CAMK1D: variants seen among roughly 807,000 people sequenced by gnomAD.
The protein encoded by CAMK1D is calcium/calmodulin-dependent protein kinase type 1D.
A neutral mutation model predicts 47.7 loss-of-function variants in CAMK1D; 9 were observed. The observed-to-expected ratio is 0.19, with a 90% CI of 0.11 to 0.33. The LOEUF is 0.33. Among genes scored for constraint, CAMK1D ranks in the 10% least tolerant of loss-of-function variants. The pLI is 1.00. For missense variants in CAMK1D, 291 were observed against 488.7 expected, an observed-to-expected ratio of 0.60 and a Z score of 3.81; for synonymous variants, 184 against 184.9, an observed-to-expected ratio of 0.99 and a Z score of 0.04.
In CAMK1D at chr10:12,830,791, G is replaced by A. The variant is rs1833402715; in HGVS notation, c.*1904G>A. On this transcript the variant is annotated 3_prime_UTR_variant, in exon 11 of 11. Transcript: ENST00000619168. Reference sequence around the variant, plus strand: ...GTCATCACGACCCAGTAACGCTGCTGGCTGTGTCCTCATGCCCTCTTCCTC... The same window carrying A: ...GTCATCACGACCCAGTAACGCTGCTAGCTGTGTCCTCATGCCCTCTTCCTC... 6.7e-6 allele frequency: 1 copy of A among 149,254 alleles called. No homozygotes were observed. Among genetic ancestry groups the A allele is most frequent in the Non-Finnish European group, 1.5e-5 (1 of 67,260 alleles). 9.2% of individuals were successfully genotyped at this position (149,254 alleles called of 1,614,324 possible).
At chr10:12,730,798 A>G (rs1367912158) in intron 3 of CAMK1D, among the ~76,000 whole-genome samples, 2 of 152,204 alleles carry the variant, frequency 1.3e-5, no homozygotes, top group Non-Finnish European at 2.9e-5. Flanking sequence ...CTCAAGTAGG[A>G]TGAGGACTGA....
chr10:12,519,248 C>A (rs1233980766), intron 1 of CAMK1D, among the ~76,000 whole-genome samples: 1 of 64,264 alleles, frequency 1.6e-5, no homozygotes, highest in East Asian at 4.4e-4. Flanking sequence ...GGGGGCTGAC[C>A]CCCCCACCTC....
intron 3 of CAMK1D, among the ~76,000 whole-genome samples, chr10:12,737,626 C>T (rs748018313): frequency 1.1e-4 from 16 of 152,170 alleles, no homozygotes; most frequent in Non-Finnish European, 2.1e-4. Context: ...ACTGCTCTGC[C>T]ATCCCTTCCC....
intron 2 of CAMK1D, among the ~76,000 whole-genome samples, chr10:12,660,485 G>T (rs902143007): frequency 7.9e-5 from 12 of 152,116 alleles, no homozygotes; most frequent in African/African-American, 2.2e-4. Context: ...TTTTATGCAT[G>T]AATTAATTTT....
chr10:12,370,311 T>A (rs1387475109), intron 1 of CAMK1D, among the ~76,000 whole-genome samples: 1 of 151,394 alleles, frequency 6.6e-6, no homozygotes, highest in African/African-American at 2.4e-5. Context: ...GTGCAGCACC[T>A]AATACTTGAT....
intron 1 of CAMK1D, among the ~76,000 whole-genome samples, chr10:12,504,947 T>C (rs1323085936): frequency 6.6e-6 from 1 of 152,252 alleles, no homozygotes; most frequent in Admixed American, 6.5e-5. Flanking sequence ...GAAGTGGTGC[T>C]GCTTAGAAAC....
At chr10:12,400,861 A>T (rs1363507826) in intron 1 of CAMK1D, among the ~76,000 whole-genome samples, 1 of 150,496 alleles carries the variant, frequency 6.6e-6, no homozygotes, top group Non-Finnish European at 1.5e-5. Flanking sequence ...TCGCACCTGT[A>T]AACCCAGAAC....
At chr10:12,363,265 T>A (rs1837734089) in intron 1 of CAMK1D, among the ~76,000 whole-genome samples, 1 of 151,982 alleles carries the variant, frequency 6.6e-6, no homozygotes, top group Admixed American at 6.6e-5. Context: ...TTGTTTTGTT[T>A]TGTTTTTGAG....
intron 3 of CAMK1D, among the ~76,000 whole-genome samples, chr10:12,750,826 A>G (rs1835910255): frequency 6.6e-6 from 1 of 152,198 alleles, no homozygotes; most frequent in Non-Finnish European, 1.5e-5. Context: ...TGAGGTGGGC[A>G]AATCACCTGA....
chr10:12,485,901 G>T lies in CAMK1D; in HGVS notation c.93-67324G>T, dbSNP rs145697549. On this transcript the variant is annotated intron_variant, in intron 1 of 10. Transcript: ENST00000619168. ...GCTTAACAGAGCCAAATTCAGCCCA[G>T]AGTGAGTCTTTGGTGTCCATCCCAG... Among the ~76,000 whole-genome samples the T allele has an allele frequency of 2.8e-4, 43 of 152,276 alleles. No individual in the cohort carries two copies. The East Asian group carries it at 7.7e-3, about 27-fold the overall frequency.
intron 1 of CAMK1D, among the ~76,000 whole-genome samples, chr10:12,539,724 G>A (rs894262780): frequency 2.0e-5 from 3 of 152,170 alleles, no homozygotes; most frequent in African/African-American, 7.2e-5. Flanking sequence ...TGTCGAAGAG[G>A]TCCGCACAGG....
At chr10:12,371,713 T>G (rs969564958) in intron 1 of CAMK1D, among the ~76,000 whole-genome samples, 1 of 151,752 alleles carries the variant, frequency 6.6e-6, no homozygotes, top group Non-Finnish European at 1.5e-5. Context: ...CTGGCCAAGA[T>G]GGTGAAACCC....
At chr10:12,636,537 AG>A (rs1839516298) in intron 2 of CAMK1D, among the ~76,000 whole-genome samples, 1 of 152,202 alleles carries the variant, frequency 6.6e-6, no homozygotes, top group East Asian at 1.9e-4. Context: ...TCTGTTGCCC[AG>A]GCTGGCCTCA....
In CAMK1D at chr10:12,795,125, T is replaced by C. The variant is rs148656220; in HGVS notation, c.641+3892T>C. Among the ~76,000 whole-genome samples the C allele has an allele frequency of 2.8e-3, 429 of 152,036 alleles. 4 individuals carry two copies. The South Asian group carries it at 0.033, about 12-fold the overall frequency. On this transcript the variant is annotated intron_variant, in intron 6 of 10. Transcript: ENST00000619168. ...TATAGTAGGTCACAGAATGCAGTGGTCATTGAGGACAGGGAAAAGCACCAT... is the reference window on the plus strand; with the variant it reads ...TATAGTAGGTCACAGAATGCAGTGGCCATTGAGGACAGGGAAAAGCACCAT...
chr10:12,377,926 A>G (rs1161265503), intron 1 of CAMK1D, among the ~76,000 whole-genome samples: 4 of 152,250 alleles, frequency 2.6e-5, no homozygotes, highest in African/African-American at 4.8e-5. Context: ...TTTAAACTAT[A>G]TCTTGCATTA....
intron 3 of CAMK1D, among the ~76,000 whole-genome samples, chr10:12,692,587 AC>A (rs1291301835): frequency 2.6e-5 from 4 of 152,346 alleles, no homozygotes; most frequent in African/African-American, 9.6e-5. Context: ...AATGTTGGTA[AC>A]CTTGACTTCA....
intron 1 of CAMK1D, among the ~76,000 whole-genome samples, chr10:12,515,113 T>G (rs1342230256): frequency 6.6e-5 from 10 of 151,946 alleles, no homozygotes; most frequent in Admixed American, 4.6e-4. Flanking sequence ...TCCACCCCCC[T>G]TGGCCTCCCA....
At chr10:12,809,901 C>G (rs968682430) in intron 6 of CAMK1D, among the ~76,000 whole-genome samples, 1 of 152,072 alleles carries the variant, frequency 6.6e-6, no homozygotes, top group African/African-American at 2.4e-5. Context: ...CCTGTAATCT[C>G]AGCACTTTGG....
chr10:12,576,522 A>G (rs1235585270), intron 2 of CAMK1D, among the ~76,000 whole-genome samples: 1 of 152,198 alleles, frequency 6.6e-6, no homozygotes, highest in Admixed American at 6.5e-5. Context: ...ATGATGTAGC[A>G]TCAGTGGGAG....
Sources: allele counts gnomAD v4.1 joint callset (sites outside exome capture counted in the v4.1 genomes callset), GRCh38; gene constraint gnomAD v4.1.1; transcripts MANE v1.5; gene names NCBI Gene and HGNC (gene_info 2026-07-23, HGNC 2026-07-21).